Variants in TENM2 observed in about 807,000 individuals in gnomAD.
The protein encoded by TENM2 is teneurin transmembrane protein 2.
In TENM2, 52 loss-of-function variants were observed where a neutral mutation model predicts 245.2. The ratio of observed to expected loss-of-function variants is 0.21; its 90% confidence interval spans 0.17 to 0.27. The LOEUF is 0.27. Among genes scored for constraint, TENM2 ranks in the 10% least tolerant of loss-of-function variants. TENM2 has a pLI of 1.00. For missense variants in TENM2, 3,046 were observed against 3,666.8 expected (o/e 0.83, Z 4.37); for synonymous variants, 1,363 against 1,438.9 (o/e 0.95, Z 1.19).
intron 2 of TENM2, among the ~76,000 whole-genome samples, chr5:167,694,159 T>TGAGCTGG (rs1212378085): frequency 6.6e-6 from 1 of 152,180 alleles, no homozygotes; most frequent in Non-Finnish European, 1.5e-5. Flanking sequence ...CCTCTGCACT[T>TGAGCTGG]ATCCAGCTCA....
At chr5:167,096,647 G>C in the TENM2 span, among the ~76,000 whole-genome samples, 1 of 152,132 alleles carries the variant, frequency 6.6e-6, no homozygotes, top group Admixed American at 6.5e-5. Context: ...ATTCCAGACT[G>C]GTCTGTGTTC....
the TENM2 span, among the ~76,000 whole-genome samples, chr5:167,020,482 G>T: frequency 6.6e-6 from 1 of 152,138 alleles, no homozygotes. Context: ...GACTGGGTAG[G>T]GCAAAGGAAA....
intron 3 of TENM2, among the ~76,000 whole-genome samples, chr5:167,911,978 T>C (rs1465757761): frequency 6.6e-6 from 1 of 152,200 alleles, no homozygotes; most frequent in Non-Finnish European, 1.5e-5. Flanking sequence ...TCAATTAACA[T>C]ATCTCTTACC....
chr5:167,380,826 T>A (rs1761059608), intron 2 of TENM2, among the ~76,000 whole-genome samples: 1 of 152,168 alleles, frequency 6.6e-6, no homozygotes, highest in South Asian at 2.1e-4. Context: ...AGAAGCAAAA[T>A]GTTTTTGTCT....
intron 2 of TENM2, among the ~76,000 whole-genome samples, chr5:167,863,246 G>A (rs1417294967): frequency 1.3e-5 from 2 of 152,218 alleles, no homozygotes; most frequent in Non-Finnish European, 2.9e-5. Flanking sequence ...CTCCAGAAAT[G>A]TTAGTAAATA....
intron 2 of TENM2, among the ~76,000 whole-genome samples, chr5:167,665,740 C>G (rs548625277): frequency 6.6e-6 from 1 of 152,214 alleles, no homozygotes; most frequent in Non-Finnish European, 1.5e-5. Flanking sequence ...CGTGTAATAG[C>G]TCTAATGTTA....
At chr5:167,543,657 C>G (rs1422695724) in intron 2 of TENM2, among the ~76,000 whole-genome samples, 1 of 152,166 alleles carries the variant, frequency 6.6e-6, no homozygotes, top group Non-Finnish European at 1.5e-5. Flanking sequence ...TCACATAGTT[C>G]TGGAAGGCTG....
chr5:167,470,476 T>TTTTTTTTTTTTTTTG (rs1766952080), intron 2 of TENM2, among the ~76,000 whole-genome samples: 1 of 144,634 alleles, frequency 6.9e-6, no homozygotes, highest in African/African-American at 2.5e-5. Context: ...TTTTTTTTTT[T>TTTTTTTTTTTTTTTG]GCTTATGGAA....
the TENM2 span, among the ~76,000 whole-genome samples, chr5:167,243,893 T>C: frequency 6.6e-6 from 1 of 152,214 alleles, no homozygotes; most frequent in Non-Finnish European, 1.5e-5. Context: ...AATCCTTAGA[T>C]TGGCCTTCAA....
Position 168,227,548 on chromosome 5 carries a change from A to AAAT in TENM2, c.5285-345_5285-343dup, listed in dbSNP as rs199885131. Among the ~76,000 whole-genome samples the AAAT allele has an allele frequency of 3.6e-3, 549 of 150,718 alleles. 7 individuals are homozygous for AAAT. Among genetic ancestry groups the AAAT allele is most frequent in the Non-Finnish European group, 6.5e-3 (439 of 67,808 alleles). On this transcript the variant is annotated intron_variant, in intron 24 of 28. Transcript: ENST00000518659. ...TTTTTTTTTTTCCTGGTATAAGCTA[A>AAAT]AATATATATGTTAAGCTTCGGGAAT...
At chr5:167,987,902 A>G (rs780969330) in intron 4 of TENM2, among the ~76,000 whole-genome samples, 17 of 152,218 alleles carry the variant, frequency 1.1e-4, no homozygotes, top group Non-Finnish European at 1.9e-4. Flanking sequence ...TGGGAGAAAT[A>G]GGATTCTACT....
chr5:166,994,497 A>G, the TENM2 span, among the ~76,000 whole-genome samples: 1 of 152,170 alleles, frequency 6.6e-6, no homozygotes, highest in South Asian at 2.1e-4. Flanking sequence ...GGAATAAGTT[A>G]TGCATTTGAG....
At chr5:167,988,211 T>C (rs984219475) in intron 4 of TENM2, among the ~76,000 whole-genome samples, 1 of 152,194 alleles carries the variant, frequency 6.6e-6, no homozygotes, top group South Asian at 2.1e-4. Context: ...TATTTTAAAA[T>C]TAAAAATGTT....
chr5:167,929,271 G>A (rs1419664480), intron 3 of TENM2, among the ~76,000 whole-genome samples: 1 of 151,854 alleles, frequency 6.6e-6, no homozygotes, highest in Non-Finnish European at 1.5e-5. Context: ...GGAAGGAAGG[G>A]AGGGAGGGTG....
chr5:168,254,269 G>A (rs991818032), intron 27 of TENM2, among the ~76,000 whole-genome samples: 15 of 152,232 alleles, frequency 9.9e-5, no homozygotes, highest in Non-Finnish European at 1.2e-4. Flanking sequence ...TGTTTAGGGA[G>A]GCTGTTACCA....
intron 2 of TENM2, among the ~76,000 whole-genome samples, chr5:167,677,060 A>G (rs1180321170): frequency 6.6e-6 from 1 of 152,116 alleles, no homozygotes; most frequent in Non-Finnish European, 1.5e-5. Context: ...AGACTATTCC[A>G]TCTGCCTTTC....
intron 5 of TENM2, among the ~76,000 whole-genome samples, chr5:168,036,585 G>A (rs1265769198): frequency 2.7e-5 from 4 of 148,556 alleles, no homozygotes; most frequent in Admixed American, 1.4e-4. Flanking sequence ...GCAGTGAGCC[G>A]AGATCGCACC....
At chr5:167,113,077 T>C in the TENM2 span, among the ~76,000 whole-genome samples, 1 of 152,190 alleles carries the variant, frequency 6.6e-6, no homozygotes, top group Non-Finnish European at 1.5e-5. Context: ...AAATGCAGTT[T>C]CAGGTAAGAG....
the TENM2 span, among the ~76,000 whole-genome samples, chr5:167,158,913 C>CCTTCCTCCT: frequency 9.5e-6 from 1 of 105,328 alleles, no homozygotes; most frequent in African/African-American, 4.1e-5. Flanking sequence ...CCTTCCTCTT[C>CCTTCCTCCT]CTCTCTCTCT....
Sources: gnomAD v4.1 joint callset for allele counts (sites outside exome capture counted in the v4.1 genomes callset) on GRCh38, gnomAD v4.1.1 for gene constraint, MANE v1.5 for transcripts, NCBI Gene and HGNC (gene_info 2026-07-23, HGNC 2026-07-21) for gene names.